BBS2: variants seen among roughly 807,000 people sequenced by gnomAD.
BBS2 encodes Bardet-Biedl syndrome 2.
Under a neutral mutation model 83.0 loss-of-function variants are expected in BBS2, and 62 were observed. That is an observed-to-expected ratio of 0.75 (90% CI 0.61 to 0.92). The LOEUF is 0.92. Among genes scored for constraint, BBS2 ranks in the 40% least tolerant of loss-of-function variants. The pLI is 0.00. For synonymous variants in BBS2, 303 were observed against 326.1 expected (o/e 0.93, Z 0.76); for missense variants, 784 against 901.0 (o/e 0.87, Z 1.66).
intron 2 of BBS2, 134 bp from the exon 3 acceptor site, chr16:56,511,418 A>ACC: frequency 2.5e-6 from 3 of 1,193,188 alleles, no homozygotes; most frequent in Non-Finnish European, 3.7e-6. Flanking sequence ...GGTGGGCCTC[A>ACC]CACATTAACT....
At chr16:56,497,391 CT>C (rs1964144768) in intron 14 of BBS2, 5 of 493,318 alleles carry the variant, frequency 1.0e-5, no homozygotes, top group Non-Finnish European at 1.8e-5. Flanking sequence ...TCAGAATCAT[CT>C]TTATTTTGCT....
chr16:56,497,640 T>C, intron 14 of BBS2, 103 bp downstream of exon 14: 1 of 1,523,870 alleles, frequency 6.6e-7, no homozygotes, highest in Non-Finnish European at 9.0e-7. Context: ...CAAAAATTCT[T>C]GAAAACATCA....
intron 9 of BBS2, 32 bp from the exon 10 acceptor site, chr16:56,501,529 T>G (rs370049649): frequency 5.6e-6 from 9 of 1,613,878 alleles, no homozygotes; most frequent in Non-Finnish European, 8.5e-7. Context: ...TCCTACTCAG[T>G]CACCAAAACA....
chr16:56,497,925 G>C, intron 13 of BBS2, 45 bp from the exon 14 acceptor site: 1 of 1,590,432 alleles, frequency 6.3e-7, no homozygotes, highest in South Asian at 1.1e-5. Flanking sequence ...TCAGATGTTA[G>C]ACAAACTTAG....
intron 1 of BBS2, among the ~76,000 whole-genome samples, chr16:56,519,356 A>G (rs1463250329): frequency 6.6e-6 from 1 of 151,334 alleles, no homozygotes; most frequent in South Asian, 2.1e-4. Context: ...AAAAGGAAGA[A>G]GAAGCAGTGT....
intron 2 of BBS2, among the ~76,000 whole-genome samples, chr16:56,511,510 G>C (rs1309584561): frequency 9.2e-5 from 14 of 151,936 alleles, no homozygotes; most frequent in African/African-American, 2.7e-4. Flanking sequence ...ATCAAGTATT[G>C]AAGGACTTAA....
intron 16 of BBS2, 35 bp downstream of exon 16, chr16:56,485,555 C>T (rs1963751700): frequency 6.2e-7 from 1 of 1,612,554 alleles, no homozygotes; most frequent in Non-Finnish European, 8.5e-7. Flanking sequence ...AAAAACATTA[C>T]AGATCAAAGT....
Position 56,501,465 on chromosome 16 carries a change from AT to A in BBS2, c.1112del (p.Asp371ValfsTer6), listed in dbSNP as rs1472488128. 6.2e-7 allele frequency: 1 copy of A among 1,614,022 alleles called. No homozygotes were observed. The highest frequency in any genetic ancestry group is 1.3e-5 in the African/African-American group (1 of 74,916). On this transcript the variant is annotated frameshift_variant, in exon 10 of 17. Coordinates refer to ENST00000245157, the MANE Select transcript of BBS2 (RefSeq NM_031885.5). LOFTEE classifies it high-confidence loss of function. ...TGGCTGGGATTATGCCCCGATGCCC[AT>A]CAGCCTCGTTCAGTGGACTGGCCAA... is the stretch of plus-strand genomic sequence containing the variant. ...AELASPLNEA[D>X]GHRGIIPANT...
intron 17 of BBS2, chr16:56,474,810 C>CT (rs746791513): frequency 0.1 from 98,228 of 958,664 alleles, no homozygotes; most frequent in South Asian, 0.13. Context: ...AGTTTCTCAT[C>CT]TTTTTTTTTT....
At chr16:56,514,199 T>G (rs1271970332) in intron 2 of BBS2, among the ~76,000 whole-genome samples, 1 of 152,198 alleles carries the variant, frequency 6.6e-6, no homozygotes, top group Admixed American at 6.5e-5. Context: ...CAACAGATCT[T>G]GACAGATGGC....
chr16:56,497,251 T>C, intron 14 of BBS2, 172 bp from the exon 15 acceptor site: 1 of 655,392 alleles, frequency 1.5e-6, no homozygotes, highest in East Asian at 2.7e-5. Flanking sequence ...TTAACTCATC[T>C]GTGCTGCCTC....
intron 9 of BBS2, 148 bp downstream of exon 9, chr16:56,502,169 G>A (rs1312948411): frequency 9.4e-6 from 10 of 1,058,742 alleles, no homozygotes; most frequent in East Asian, 7.1e-5. Flanking sequence ...ATTTCAAGAC[G>A]AAAGCATATA....
chr16:56,490,128 G>GCA (rs149944639), intron 15 of BBS2, among the ~76,000 whole-genome samples: 2,277 of 113,112 alleles, frequency 0.02, 50 homozygotes, highest in African/African-American at 0.051. Flanking sequence ...ACACACACAC[G>GCA]CACACACACA....
chr16:56,489,850 A>C (rs1301380213), intron 15 of BBS2, among the ~76,000 whole-genome samples: 1 of 152,096 alleles, frequency 6.6e-6, no homozygotes, highest in Non-Finnish European at 1.5e-5. Flanking sequence ...GTGGCCAGGC[A>C]CAGTGGCTCA....
chr16:56,498,410 T>A (rs377374560), intron 13 of BBS2, 27 bp downstream of exon 13: 1 of 1,612,982 alleles, frequency 6.2e-7, no homozygotes, highest in African/African-American at 1.3e-5. Flanking sequence ...AAAAAAGAAA[T>A]CTATGCCCCG....
intron 1 of BBS2, among the ~76,000 whole-genome samples, chr16:56,517,869 G>C (rs1358270843): frequency 6.6e-6 from 1 of 151,186 alleles, no homozygotes; most frequent in Non-Finnish European, 1.5e-5. Context: ...GCCCAGGCTG[G>C]AGTGCAATGG....
At chr16:56,506,286 C>T (rs572072125) in intron 5 of BBS2, 62 bp from the exon 6 acceptor site, 27 of 1,295,870 alleles carry the variant, frequency 2.1e-5, no homozygotes, top group Middle Eastern at 3.7e-4. Flanking sequence ...CTGTCAAGTA[C>T]GGCTTTATAA....
In BBS2 at chr16:56,502,457, C is replaced by A. The variant is rs777234811; in HGVS notation, c.941-1G>T. ...GCCGTGCCAGGCAGGTAGCCCCGGA[C>A]TGAACAGAAGGAAAAAACCGCAAGT... On this transcript the variant is annotated splice_acceptor_variant, in intron 8 of 16. Transcript: ENST00000245157. LOFTEE classifies it high-confidence loss of function. 3 of 1,614,210 alleles carry A rather than the reference C, an allele frequency of 1.9e-6. No individual in the cohort carries two copies. Among genetic ancestry groups the A allele is most frequent in the Admixed American group, 1.7e-5 (1 of 60,032 alleles).
chr16:56,518,748 C>T (rs980205524), intron 1 of BBS2, among the ~76,000 whole-genome samples: 13 of 152,244 alleles, frequency 8.5e-5, no homozygotes, highest in African/African-American at 3.1e-4. Context: ...CTCTGATTTG[C>T]CTTGTCTGTT....
Sources: gnomAD v4.1 joint callset for allele counts (sites outside exome capture counted in the v4.1 genomes callset) on GRCh38, gnomAD v4.1.1 for gene constraint, MANE v1.5 for transcripts, NCBI Gene and HGNC (gene_info 2026-07-23, HGNC 2026-07-21) for gene names.